The following MCPH1 variants were observed in gnomAD, a reference collection of about 807,000 sequenced individuals.
MCPH1 encodes the protein microcephalin.
Under a neutral mutation model 84.5 loss-of-function variants are expected in MCPH1, and 104 were observed. That is an observed-to-expected ratio of 1.23 (90% confidence interval 1.05 to 1.45). MCPH1 has a LOEUF of 1.45. Ranked by LOEUF, MCPH1 falls within the 40% of genes most tolerant of loss-of-function variation. The pLI, the probability that MCPH1 is intolerant of heterozygous loss-of-function variation, is 0.00. For synonymous variants in MCPH1, 514 were observed against 366.8 expected (o/e 1.40, Z -4.58); for missense variants, 1,498 against 1,005.7 (o/e 1.49, Z -6.62).
chr8:6,551,419 A>G (rs1432514749), intron 12 of MCPH1, among the ~76,000 whole-genome samples: 1 of 152,210 alleles, frequency 6.6e-6, no homozygotes, highest in African/African-American at 2.4e-5. Context: ...AAGTTGTCCA[A>G]TTAAAGGAAA....
chr8:6,621,532 T>G lies in MCPH1; in HGVS notation c.2293T>G (p.Ser765Ala), dbSNP rs1389559875. The G allele has an allele frequency of 3.1e-6, 5 of 1,614,190 alleles. No homozygotes were observed. Among genetic ancestry groups the G allele is most frequent in the Non-Finnish European group, 3.4e-6 (4 of 1,180,030 alleles). ...LFADQPAMFV[S>A]PASSPPVAKL... ...TGCCGACCAGCCAGCGATGTTTGTC[T>G]CGCCTGCCAGCAGCCCCCCAGTGGC... The change falls in exon 13 of 14, where the codon TCG (serine) becomes GCG (alanine). Residue 765 changes from serine to alanine, a missense_variant. Physicochemically the swap from Ser to Ala is moderately conservative, Grantham distance 99. Transcript: ENST00000344683.
At chr8:6,465,455 C>G (rs995651791) in intron 9 of MCPH1, among the ~76,000 whole-genome samples, 28 of 152,200 alleles carry the variant, frequency 1.8e-4, no homozygotes, top group African/African-American at 6.5e-4. Flanking sequence ...TATTCTCTTC[C>G]TCTTACCAGT....
At chr8:6,512,831 G>C (rs1317875188) in intron 12 of MCPH1, among the ~76,000 whole-genome samples, 1 of 152,180 alleles carries the variant, frequency 6.6e-6, no homozygotes, top group Non-Finnish European at 1.5e-5. Flanking sequence ...AAACACCCAG[G>C]GAATGCTGTG....
chr8:6,641,219 T>A (rs1022166342), intron 13 of MCPH1, among the ~76,000 whole-genome samples: 27 of 152,348 alleles, frequency 1.8e-4, no homozygotes, highest in African/African-American at 5.1e-4. Context: ...TGCATTTTTT[T>A]ATGATTTTTC....
intron 12 of MCPH1, among the ~76,000 whole-genome samples, chr8:6,589,793 T>C (rs1185215761): frequency 6.6e-6 from 1 of 152,190 alleles, no homozygotes; most frequent in Non-Finnish European, 1.5e-5. Flanking sequence ...TTCCAAACCA[T>C]TATATAGTCA....
intron 13 of MCPH1, among the ~76,000 whole-genome samples, chr8:6,633,536 T>C (rs1335514300): frequency 3.3e-5 from 5 of 152,166 alleles, no homozygotes; most frequent in Non-Finnish European, 5.9e-5. Flanking sequence ...AGTGGAAAAT[T>C]CCACACCTGA....
At chr8:6,451,716 T>C (rs1656420120) in intron 8 of MCPH1, among the ~76,000 whole-genome samples, 1 of 152,242 alleles carries the variant, frequency 6.6e-6, no homozygotes, top group Non-Finnish European at 1.5e-5. Flanking sequence ...TTCCTAGGTG[T>C]CTTTTAAGAT....
At chr8:6,429,729 T>G (rs996865946) in intron 3 of MCPH1, among the ~76,000 whole-genome samples, 1 of 152,030 alleles carries the variant, frequency 6.6e-6, no homozygotes, top group Non-Finnish European at 1.5e-5. Flanking sequence ...ATTATTCAGT[T>G]AAGGATTCCC....
intron 12 of MCPH1, among the ~76,000 whole-genome samples, chr8:6,606,515 G>T (rs112376594): frequency 1.4e-3 from 211 of 152,252 alleles, no homozygotes; most frequent in African/African-American, 4.8e-3. Flanking sequence ...CCCTAGGTCC[G>T]GCAGCATAAA....
At chr8:6,418,004 C>T (rs1286019012) in intron 3 of MCPH1, among the ~76,000 whole-genome samples, 2 of 152,152 alleles carry the variant, frequency 1.3e-5, no homozygotes, top group Non-Finnish European at 2.9e-5. Flanking sequence ...TGGGCAGTTG[C>T]TTAGATGCGC....
At chr8:6,622,631 C>T (rs1463072958) in intron 13 of MCPH1, among the ~76,000 whole-genome samples, 3 of 152,192 alleles carry the variant, frequency 2.0e-5, no homozygotes, top group South Asian at 4.1e-4. Context: ...GTTCTGGAGG[C>T]TGGAAGTCTA....
chr8:6,458,216 T>C (rs774348014), intron 9 of MCPH1, among the ~76,000 whole-genome samples: 3 of 152,146 alleles, frequency 2.0e-5, no homozygotes, highest in Non-Finnish European at 4.4e-5. Flanking sequence ...CTCACACCTG[T>C]AATCCCAGCG....
chr8:6,431,551 A>G lies in MCPH1; in HGVS notation c.286A>G (p.Met96Val). 5 of 1,613,414 alleles carry G rather than the reference A, an allele frequency of 3.1e-6. No homozygotes were observed. Among genetic ancestry groups the G allele is most frequent in the Non-Finnish European group, 2.5e-6 (3 of 1,179,518 alleles). The change falls in exon 4 of 14, where the codon ATG becomes GTG. Residue 96 changes from methionine (M) to valine (V), a missense_variant. By Grantham distance (21) the Met-to-Val change is conservative. Coordinates refer to ENST00000344683, the MANE Select transcript of MCPH1 (RefSeq NM_024596.5). ...TGAATCATTGTTCCCTGCAGCTAATATGAATGAACACTTATCAAGCCTAAT... is the reference window on the plus strand; with the variant it reads ...TGAATCATTGTTCCCTGCAGCTAATGTGAATGAACACTTATCAAGCCTAAT... Reference protein sequence around the residue: ...IDESLFPAANMNEHLSSLIKK... With the variant: ...IDESLFPAANVNEHLSSLIKK...
At chr8:6,522,726 A>C (rs1236790408) in intron 12 of MCPH1, among the ~76,000 whole-genome samples, 1 of 151,554 alleles carries the variant, frequency 6.6e-6, no homozygotes, top group African/African-American at 2.4e-5. Context: ...GTGAGCTGAG[A>C]TTATGCCATT....
chr8:6,509,036 G>A, intron 12 of MCPH1: 1 of 1,614,074 alleles, frequency 6.2e-7, no homozygotes, highest in Non-Finnish European at 8.5e-7. Flanking sequence ...TTTGCCGGCT[G>A]TCCCTGTAAG....
Position 6,431,560 on chromosome 8 carries a change from C to T in MCPH1, c.295C>T (p.His99Tyr), listed in dbSNP as rs751450037. Residue 99 changes from histidine to tyrosine, a missense_variant, in exon 4 of 14, where the codon CAC becomes TAC. By Grantham distance (83) the His-to-Tyr change is moderately conservative. Transcript: ENST00000344683. ...SLFPAANMNE[H>Y]LSSLIKKKRK... Reference sequence around the variant, plus strand: ...GTTCCCTGCAGCTAATATGAATGAACACTTATCAAGCCTAATTAAAAAAAA... The same window carrying T: ...GTTCCCTGCAGCTAATATGAATGAATACTTATCAAGCCTAATTAAAAAAAA... 6.8e-6 allele frequency: 11 copies of T among 1,612,166 alleles called. No homozygotes were observed. Among genetic ancestry groups the T allele is most frequent in the Middle Eastern group, 1.6e-4 (1 of 6,064 alleles).
intron 8 of MCPH1, chr8:6,446,699 T>G: frequency 1.0e-6 from 1 of 985,238 alleles, no homozygotes. Flanking sequence ...GAGGTTTACA[T>G]TCTCCATCTT....
intron 11 of MCPH1, among the ~76,000 whole-genome samples, chr8:6,481,651 G>A (rs999903455): frequency 6.6e-6 from 1 of 152,182 alleles, no homozygotes; most frequent in African/African-American, 2.4e-5. Flanking sequence ...AGCTACACAT[G>A]TATTTTCAAG....
chr8:6,614,510 T>A (rs1830604017), intron 12 of MCPH1, among the ~76,000 whole-genome samples: 1 of 152,244 alleles, frequency 6.6e-6, no homozygotes, highest in Admixed American at 6.5e-5. Context: ...AGGCAGGCCC[T>A]TTGTCCAGTG....
Sources: allele counts gnomAD v4.1 joint callset (sites outside exome capture counted in the v4.1 genomes callset), GRCh38; gene constraint gnomAD v4.1.1; transcripts MANE v1.5; gene names NCBI Gene and HGNC (gene_info 2026-07-23, HGNC 2026-07-21).